The following DST variants were observed in gnomAD, a reference collection of about 807,000 sequenced individuals.
DST encodes the protein bullous pemphigoid antigen.
DST carries 253 observed loss-of-function variants against 875.2 expected under a neutral mutation model. That is an observed-to-expected ratio of 0.29 (90% CI 0.26 to 0.32). DST has a LOEUF of 0.32. DST is among the 10% of genes least tolerant of loss of function. The pLI is 1.00. For synonymous variants in DST, 3,124 were observed against 3,197.1 expected (o/e 0.98, Z 0.77); for missense variants, 8,287 against 9,111.6 (o/e 0.91, Z 3.68).
At chr6:56,718,296 T>C (rs1299519269) in intron 5 of DST, among the ~76,000 whole-genome samples, 1 of 152,126 alleles carries the variant, frequency 6.6e-6, no homozygotes, top group Non-Finnish European at 1.5e-5. Context: ...AAATGGCCAA[T>C]AAGCACATGA....
chr6:56,624,861 A>C (rs1289178653), intron 35 of DST, among the ~76,000 whole-genome samples: 1 of 152,140 alleles, frequency 6.6e-6, no homozygotes, highest in Non-Finnish European at 1.5e-5. Flanking sequence ...TTATCTCCAT[A>C]GTTAATAATT....
At chr6:56,462,793 A>G (rs2094399713) in intron 102 of DST, among the ~76,000 whole-genome samples, 1 of 152,244 alleles carries the variant, frequency 6.6e-6, no homozygotes, top group Admixed American at 6.5e-5. Flanking sequence ...GAATGAGAAC[A>G]AAAAGGAGGT....
rs983910019 is a variant in DST, at chr6:56,640,178, C to T, written c.2455G>A (p.Val819Ile). 5 of 1,613,994 alleles carry T rather than the reference C, an allele frequency of 3.1e-6. No homozygotes were observed. Among genetic ancestry groups the T allele is most frequent in the Admixed American group, 1.7e-5 (1 of 59,980 alleles). The change falls in exon 18 of 104, where the codon GTT becomes ATT. Residue 819 changes from valine (V) to isoleucine (I), a missense_variant. By Grantham distance (29) the Val-to-Ile change is conservative. Transcript: ENST00000680361. ...TCAACCCAATTCAAAAGATCCTGAA[C>T]AAATTTCATATTGATTTCTTCTTCT... Reference protein sequence around the residue: ...LTEEEINMKFVQDLLNWVDEM... With the variant: ...LTEEEINMKFIQDLLNWVDEM...
At chr6:56,851,643 T>A (rs746902177) in intron 3 of DST, 39 bp from the exon 4 acceptor site, 4 of 1,597,368 alleles carry the variant, frequency 2.5e-6, no homozygotes, top group Non-Finnish European at 3.4e-6. Flanking sequence ...AACAGCAAAA[T>A]ACTCACATAT....
At chr6:56,590,168 CTCTT>C (rs1427352115) in intron 49 of DST, among the ~76,000 whole-genome samples, 1 of 152,116 alleles carries the variant, frequency 6.6e-6, no homozygotes, top group Non-Finnish European at 1.5e-5. Flanking sequence ...CCTTTGAGAT[CTCTT>C]TCTTTTTCAT....
chr6:56,458,823 C>A lies in DST; in HGVS notation c.*182G>T. ...CTCACATATGATGTGACTTTAACCCCAGAATATCTGACAAAAAAAATTATA... is the reference window on the plus strand; with the variant it reads ...CTCACATATGATGTGACTTTAACCCAAGAATATCTGACAAAAAAAATTATA... On this transcript the variant is annotated 3_prime_UTR_variant, in exon 104 of 104. Transcript: ENST00000680361. The A allele has an allele frequency of 1.6e-6, 1 of 644,576 alleles. No individual in the cohort carries two copies. Among genetic ancestry groups the A allele is most frequent in the Admixed American group, 3.5e-5 (1 of 28,818 alleles). The allele number at this position is 644,576 out of a possible 1,614,324, so 39.9% of individuals were successfully genotyped here.
intron 69 of DST, among the ~76,000 whole-genome samples, chr6:56,523,849 G>A (rs1352232391): frequency 6.6e-6 from 1 of 152,068 alleles, no homozygotes; most frequent in African/African-American, 2.4e-5. Context: ...CAGGGGTCTG[G>A]GGAAAGAGTC....
chr6:56,801,025 GA>G (rs34514599), intron 4 of DST, among the ~76,000 whole-genome samples: 2,916 of 66,962 alleles, frequency 0.044, 45 homozygotes, highest in Middle Eastern at 0.15. Flanking sequence ...GTCTCAGGGA[GA>G]AAAAAAAAAA....
At position 56,639,310 on chromosome 6, in the gene DST, C is replaced by A. The variant is rs2098860107; in HGVS notation, c.2913G>T (p.Glu971Asp). The change falls in exon 22 of 104, where the codon GAG becomes GAT. Residue 971 changes from glutamate (E) to aspartate (D), a missense_variant. Glu to Asp is a conservative substitution (Grantham distance 45). This residue lies in a region of DST where 1,160 missense variants were observed against 1,424.3 expected (regional missense o/e 0.81). Coordinates refer to ENST00000680361, the MANE Select transcript of DST (RefSeq NM_001374736.1). Reference protein sequence around the residue: ...QKEENIKSVQEIAEQLLLENH... With the variant: ...QKEENIKSVQDIAEQLLLENH... ...TTTCTAGAAGTAGCTGCTCTGCTAT[C>A]TCCTGAACTGATTTAATATTTTCTT... The A allele has an allele frequency of 6.2e-7, 1 of 1,613,820 alleles. No homozygotes were observed. The highest frequency in any genetic ancestry group is 1.3e-5 in the African/African-American group (1 of 75,046).
At chr6:56,529,197 G>A (rs2096854156) in intron 66 of DST, among the ~76,000 whole-genome samples, 1 of 152,110 alleles carries the variant, frequency 6.6e-6, no homozygotes, top group South Asian at 2.1e-4. Flanking sequence ...ACATACTGAA[G>A]TACTGGTTAA....
At chr6:56,538,284 T>C (rs2097054062) in intron 61 of DST, among the ~76,000 whole-genome samples, 1 of 152,136 alleles carries the variant, frequency 6.6e-6, no homozygotes, top group African/African-American at 2.4e-5. Flanking sequence ...GCCAACTCTT[T>C]CATAGATAAT....
intron 4 of DST, among the ~76,000 whole-genome samples, chr6:56,801,029 A>G (rs1241235416): frequency 4.0e-5 from 6 of 151,370 alleles, no homozygotes; most frequent in African/African-American, 1.5e-4. Context: ...CAGGGAGAAA[A>G]AAAAAAAAAA....
At position 56,508,689 on chromosome 6, in the gene DST, C is replaced by T. The variant is rs775972813; in HGVS notation, c.19079G>A (p.Arg6360Lys). ...WENIHTLVEEREAKLLDVMEL... is the reference protein window; with the variant it reads ...WENIHTLVEEKEAKLLDVMEL... The stretch of plus-strand genomic sequence containing the variant: ...CATCACATCCAGTAGTTTGGCTTCC[C>T]TCTCTTCCACCAGTGTGTGTATGTT... Residue 6360 changes from arginine (R) to lysine (K), a missense_variant, in exon 75 of 104, where the codon AGG (arginine) becomes AAG (lysine). By Grantham distance (26) the Arg-to-Lys change is conservative (BLOSUM62 2). Transcript: ENST00000680361. The T allele has an allele frequency of 6.2e-7, 1 of 1,613,856 alleles. No homozygotes were observed. Among genetic ancestry groups the T allele is most frequent in the South Asian group, 1.1e-5 (1 of 91,068 alleles).
At position 56,615,931 on chromosome 6, in the gene DST, C is replaced by T. The variant is rs1586712983; in HGVS notation, c.4930-1447G>A. The stretch of plus-strand genomic sequence containing the variant: ...CACACTGTCGCAGCTGCTGGGCAAA[C>T]CCCTCATCAACCAGGCCTCTATGCA... On this transcript the variant is annotated intron_variant, in intron 36 of 103. Transcript: ENST00000680361. 5.6e-6 allele frequency: 9 copies of T among 1,614,232 alleles called. No homozygotes were observed. The highest frequency in any genetic ancestry group is 7.6e-6 in the Non-Finnish European group (9 of 1,180,030).
At chr6:56,680,975 T>C (rs1250805505) in intron 9 of DST, among the ~76,000 whole-genome samples, 2 of 152,186 alleles carry the variant, frequency 1.3e-5, no homozygotes, top group African/African-American at 4.8e-5. Flanking sequence ...ATTTTACAAA[T>C]GACAAAGAGA....
At chr6:56,594,332 T>C (rs1207729056) in intron 47 of DST, 139 bp from the exon 48 acceptor site, 6 of 603,612 alleles carry the variant, frequency 9.9e-6, no homozygotes, top group Non-Finnish European at 1.7e-5. Flanking sequence ...TTTCAAGCTA[T>C]ACCGTACTCC....
chr6:56,727,801 T>G (rs1365626372), intron 5 of DST, among the ~76,000 whole-genome samples: 1 of 152,248 alleles, frequency 6.6e-6, no homozygotes, highest in Non-Finnish European at 1.5e-5. Flanking sequence ...TCTTCATGAT[T>G]CAAGATTCTG....
intron 5 of DST, among the ~76,000 whole-genome samples, chr6:56,722,097 C>A (rs139940877): frequency 6.6e-6 from 1 of 151,788 alleles, no homozygotes; most frequent in Non-Finnish European, 1.5e-5. Flanking sequence ...AAAACATATT[C>A]TTAGCTCAGG....
rs769261409 is a variant in DST at position 56,530,024 on chromosome 6, G to T, written c.17218C>A (p.Pro5740Thr). ...AGTTTAGATGCTTGGGTTCCTATGG[G>T]TTCACAATTCACCAGCCTCTTTTCT... ...TIEKRLVNCE[P>T]IGTQASKLEE... The change falls in exon 65 of 104, where the codon CCC becomes ACC. Residue 5740 changes from proline to threonine, a missense_variant. Physicochemically the swap from Pro to Thr is conservative, Grantham distance 38 (BLOSUM62 -1). This residue lies in a region of DST where 777 missense variants were observed against 764.8 expected (regional missense o/e 1.02). Coordinates refer to ENST00000680361, the MANE Select transcript of DST (RefSeq NM_001374736.1). 1 of 1,613,192 alleles carries T rather than the reference G, an allele frequency of 6.2e-7. No individual in the cohort carries two copies. The highest frequency in any genetic ancestry group is 2.2e-5 in the East Asian group (1 of 44,832).
Sources: gnomAD v4.1 joint callset for allele counts (sites outside exome capture counted in the v4.1 genomes callset) on GRCh38, gnomAD v4.1.1 for gene constraint, gnomAD v4.1.1 regional missense constraint, MANE v1.5 for transcripts, NCBI Gene and HGNC (gene_info 2026-07-23, HGNC 2026-07-21) for gene names.